The following CDK17 variants were observed in gnomAD, a reference collection of about 807,000 sequenced individuals.
The protein encoded by CDK17 is cyclin-dependent kinase 17.
In CDK17, 24 loss-of-function variants were observed where a neutral mutation model predicts 77.6. That is an observed-to-expected ratio of 0.31 (90% CI 0.22 to 0.44). CDK17 has a LOEUF of 0.44. Among genes scored for constraint, CDK17 ranks in the 20% least tolerant of loss-of-function variants. The probability of loss-of-function intolerance (pLI) is 1.00; values close to 1 mark genes in which losing one functional copy is unlikely to be tolerated. For synonymous variants in CDK17, 203 were observed against 210.4 expected, an observed-to-expected ratio of 0.96 and a Z score of 0.30; for missense variants, 429 against 622.5, an observed-to-expected ratio of 0.69 and a Z score of 3.31.
chr12:96,345,889 A>G (rs919845628), intron 1 of CDK17, among the ~76,000 whole-genome samples: 9 of 152,266 alleles, frequency 5.9e-5, no homozygotes, highest in Non-Finnish European at 1.2e-4. Flanking sequence ...TTAGAAACAA[A>G]TAAGACATAC....
At chr12:96,292,146 T>C (rs1952332582) in intron 10 of CDK17, among the ~76,000 whole-genome samples, 1 of 152,136 alleles carries the variant, frequency 6.6e-6, no homozygotes, top group African/African-American at 2.4e-5. Flanking sequence ...ACATTTCCTT[T>C]TTAAGGAAGG....
chr12:96,394,187 A>G (rs1954125867), intron 1 of CDK17, among the ~76,000 whole-genome samples: 1 of 152,024 alleles, frequency 6.6e-6, no homozygotes. Flanking sequence ...CGGAGGTTGC[A>G]GTGAGCCAAG....
At chr12:96,396,552 C>T (rs778152864) in intron 1 of CDK17, among the ~76,000 whole-genome samples, 15 of 152,104 alleles carry the variant, frequency 9.9e-5, no homozygotes, top group Non-Finnish European at 2.1e-4. Context: ...ATGCAAAATG[C>T]CATTATCACT....
intron 1 of CDK17, among the ~76,000 whole-genome samples, chr12:96,372,885 GA>G (rs1240595529): frequency 6.6e-6 from 1 of 152,140 alleles, no homozygotes; most frequent in African/African-American, 2.4e-5. Context: ...AGTAATATTT[GA>G]ATTAACCAGA....
At chr12:96,379,849 C>A (rs1193944788) in intron 1 of CDK17, among the ~76,000 whole-genome samples, 1 of 152,170 alleles carries the variant, frequency 6.6e-6, no homozygotes, top group African/African-American at 2.4e-5. Flanking sequence ...ATTAAACACA[C>A]ATTTCCAAGT....
At chr12:96,300,395 T>A (rs958063439) in intron 5 of CDK17, 35 bp from the exon 6 acceptor site, 4 of 234,506 alleles carry the variant, frequency 1.7e-5, no homozygotes, top group Non-Finnish European at 2.2e-5. Flanking sequence ...TAGTATTTAC[T>A]TTTTTTTTTT....
chr12:96,385,396 C>G (rs1953955829), intron 1 of CDK17, among the ~76,000 whole-genome samples: 1 of 152,120 alleles, frequency 6.6e-6, no homozygotes, highest in Non-Finnish European at 1.5e-5. Flanking sequence ...TGAAAAACTA[C>G]CTATCACATA....
chr12:96,361,256 T>C (rs1016821031), intron 1 of CDK17, among the ~76,000 whole-genome samples: 2 of 152,158 alleles, frequency 1.3e-5, no homozygotes, highest in Non-Finnish European at 2.9e-5. Flanking sequence ...ACTGGAACCA[T>C]TTGCCACTCC....
intron 1 of CDK17, among the ~76,000 whole-genome samples, chr12:96,362,350 C>T (rs1953505550): frequency 6.6e-6 from 1 of 152,054 alleles, no homozygotes; most frequent in South Asian, 2.1e-4. Flanking sequence ...TCCTGAGTAG[C>T]TGGTATTACA....
At chr12:96,384,327 G>C (rs1953934832) in intron 1 of CDK17, among the ~76,000 whole-genome samples, 1 of 152,162 alleles carries the variant, frequency 6.6e-6, no homozygotes, top group Non-Finnish European at 1.5e-5. Context: ...AGTTAGGTTA[G>C]CCACTGTGGA....
intron 1 of CDK17, among the ~76,000 whole-genome samples, chr12:96,377,186 C>T (rs1162792703): frequency 6.6e-6 from 1 of 152,156 alleles, no homozygotes; most frequent in Non-Finnish European, 1.5e-5. Context: ...GTGAAAAACA[C>T]AACCACAAGT....
intron 2 of CDK17, among the ~76,000 whole-genome samples, chr12:96,332,446 A>C (rs1197232857): frequency 1.3e-5 from 2 of 152,238 alleles, no homozygotes; most frequent in Non-Finnish European, 2.9e-5. Flanking sequence ...ATTATGCTAT[A>C]TTCTCTGTAT....
chr12:96,343,725 C>G (rs1357585903), intron 1 of CDK17, among the ~76,000 whole-genome samples: 1 of 152,202 alleles, frequency 6.6e-6, no homozygotes, highest in African/African-American at 2.4e-5. Context: ...CAGCCTTCAA[C>G]TAGCCAAGAA....
At chr12:96,305,661 G>A (rs1952567486) in intron 5 of CDK17, among the ~76,000 whole-genome samples, 1 of 152,088 alleles carries the variant, frequency 6.6e-6, no homozygotes, top group African/African-American at 2.4e-5. Flanking sequence ...ATGGGTATAT[G>A]CATAGGTAGA....
Position 96,279,911 on chromosome 12 carries a change from G to A in CDK17, c.*331C>T, listed in dbSNP as rs908297011. The A allele has an allele frequency of 9.0e-6, 2 of 223,068 alleles. No individual in the cohort carries two copies. Among genetic ancestry groups the A allele is most frequent in the African/African-American group, 2.3e-5 (1 of 44,062 alleles). The allele number at this position is 223,068 out of a possible 1,614,324, so 13.8% of individuals were successfully genotyped here. A position where few individuals can be genotyped will look rare whatever the true frequency, so the allele number is the denominator to read the frequency against. On this transcript the variant is annotated 3_prime_UTR_variant, in exon 17 of 17. Transcript: ENST00000261211. ...AATTGTTGTGTTAAATAAACAGACA[G>A]TAGTTATTTAGCAGCAATGATTCCG... is the stretch of plus-strand genomic sequence containing the variant.
intron 3 of CDK17, among the ~76,000 whole-genome samples, chr12:96,318,099 G>A (rs371667377): frequency 6.6e-6 from 1 of 151,586 alleles, no homozygotes; most frequent in African/African-American, 2.4e-5. Context: ...AAAGGATGGA[G>A]GAAGATCTAC....
chr12:96,315,501 C>G (rs1191684874), intron 3 of CDK17, among the ~76,000 whole-genome samples: 3 of 152,154 alleles, frequency 2.0e-5, no homozygotes. Flanking sequence ...TGATTGATTC[C>G]TAACCTCTTA....
At chr12:96,362,434 G>T (rs1953506992) in intron 1 of CDK17, among the ~76,000 whole-genome samples, 1 of 152,020 alleles carries the variant, frequency 6.6e-6, no homozygotes. Flanking sequence ...GGCCAGGCTG[G>T]TCTCAAACTC....
At chr12:96,357,056 GAT>G (rs1953404791) in intron 1 of CDK17, among the ~76,000 whole-genome samples, 1 of 152,128 alleles carries the variant, frequency 6.6e-6, no homozygotes, top group Non-Finnish European at 1.5e-5. Context: ...TGATGCTTTT[GAT>G]AATAATGGTC....
Sources: gnomAD v4.1 joint callset for allele counts (sites outside exome capture counted in the v4.1 genomes callset) on GRCh38, gnomAD v4.1.1 for gene constraint, MANE v1.5 for transcripts, NCBI Gene and HGNC (gene_info 2026-07-23, HGNC 2026-07-21) for gene names.